The following FCGR3B variants were observed in gnomAD, a reference collection of about 807,000 sequenced individuals.
The protein encoded by FCGR3B is low affinity immunoglobulin gamma Fc region receptor III-B.
In FCGR3B, 20 loss-of-function variants were observed where a neutral mutation model predicts 26.7. The observed-to-expected ratio is 0.75, with a 90% CI of 0.53 to 1.09. The LOEUF is 1.09. FCGR3B is among the 50% of genes least tolerant of loss of function. The pLI is 0.00. For missense variants in FCGR3B, 191 were observed against 279.7 expected (o/e 0.68, Z 2.26); for synonymous variants, 79 against 107.0 (o/e 0.74, Z 1.62).
At chr1:161,631,679 A>G (rs573811612), upstream of FCGR3B, among the ~76,000 whole-genome samples, 2 of 127,012 alleles carry the variant, frequency 1.6e-5, no homozygotes, top group African/African-American at 5.8e-5. Flanking sequence ...TTTCTTTCAA[A>G]ATTCAAAATT....
chr1:161,626,521 A>G, intron 3 of FCGR3B, 119 bp from the exon 4 acceptor site: 3 of 877,466 alleles, frequency 3.4e-6, no homozygotes, highest in Non-Finnish European at 5.1e-6. Flanking sequence ...TTGGGAGTCA[A>G]CCCTGCATAG....
intron 3 of FCGR3B, among the ~76,000 whole-genome samples, chr1:161,627,994 C>T (rs1456813287): frequency 1.3e-5 from 2 of 150,268 alleles, no homozygotes; most frequent in Non-Finnish European, 3.0e-5. Flanking sequence ...AAAATGCAGG[C>T]TGGGCGCGGT....
Position 161,631,086 on chromosome 1 carries a change from C to T in FCGR3B, c.9G>A (p.Gln3=). 1 of 1,607,202 alleles carries T rather than the reference C, an allele frequency of 6.2e-7. No individual in the cohort carries two copies. The highest frequency in any genetic ancestry group is 8.5e-7 in the Non-Finnish European group (1 of 1,177,360). ...GTAGCAGAGCAGTTGGGAGGAGCAGCTGCCACATGATGCCACACTGGAGTG... is the reference window on the plus strand; with the variant it reads ...GTAGCAGAGCAGTTGGGAGGAGCAGTTGCCACATGATGCCACACTGGAGTG... MW[Q]LLLPTALLLL... The change falls in exon 1 of 5, where the codon CAG becomes CAA. Residue 3 remains glutamine, a synonymous_variant. Coordinates refer to ENST00000650385, the MANE Select transcript of FCGR3B (RefSeq NM_001244753.2).
Position 161,624,510 on chromosome 1 carries a change from G to A in FCGR3B, c.*5C>T. On this transcript the variant is annotated 3_prime_UTR_variant, in exon 5 of 5. Transcript: ENST00000650385. ...TTTATGGTCCTTCCAGTCTCTTGTT[G>A]AGCTTCAAATGTTTGTCTTCACAGA... 6.2e-7 allele frequency: 1 copy of A among 1,606,840 alleles called. No individual in the cohort carries two copies. The highest frequency in any genetic ancestry group is 8.5e-7 in the Non-Finnish European group (1 of 1,176,826).
At chr1:161,629,441 T>G (rs1369950899) in intron 3 of FCGR3B, among the ~76,000 whole-genome samples, 1 of 61,886 alleles carries the variant, frequency 1.6e-5, no homozygotes, top group South Asian at 7.0e-4. Context: ...AAAATAAAAT[T>G]AAAAAAAATG....
At chr1:161,630,961 C>T (rs1679718264) in intron 1 of FCGR3B, 94 bp downstream of exon 1, 1 of 1,502,582 alleles carries the variant, frequency 6.7e-7, no homozygotes, top group Admixed American at 2.2e-5. Context: ...GGTCCCATCC[C>T]TTTGTGGGAG....
At chr1:161,630,450 T>C (rs1189672727) in intron 1 of FCGR3B, 62 bp from the exon 2 acceptor site, 21 of 1,520,500 alleles carry the variant, frequency 1.4e-5, no homozygotes, top group South Asian at 5.9e-5. Flanking sequence ...GATTAGAACA[T>C]AGAGTGAGTT....
At chr1:161,625,621 G>A (rs1679415706) in intron 4 of FCGR3B, among the ~76,000 whole-genome samples, 1 of 142,602 alleles carries the variant, frequency 7.0e-6, no homozygotes, top group African/African-American at 2.7e-5. Flanking sequence ...ACTGAAAGGT[G>A]CCCAATAAAT....
rs1043253536 is a variant in FCGR3B, at chr1:161,624,068, A to G, written c.*447T>C. The G allele has an allele frequency of 5.1e-4, 71 of 138,326 alleles. 1 individual carries two copies. Among genetic ancestry groups the G allele is most frequent in the Non-Finnish European group, 1.2e-4 (8 of 66,280 alleles). 8.6% of individuals were successfully genotyped at this position (138,326 alleles called of 1,614,324 possible). A position where few individuals can be genotyped will look rare whatever the true frequency, so the allele number is the denominator to read the frequency against. ...ATTAATTCTACTTATCCATTTGTTT[A>G]GGAATAATTATTTTCTTTTTTTCCC... On this transcript the variant is annotated 3_prime_UTR_variant, in exon 5 of 5. Transcript: ENST00000650385.
chr1:161,624,311 G>A lies in FCGR3B; in HGVS notation c.*204C>T, dbSNP rs1679350237. On this transcript the variant is annotated 3_prime_UTR_variant, in exon 5 of 5. Transcript: ENST00000650385. ...TTCCACTGGAGACCAAGGAAAAATC[G>A]AGAGTTGGATAAAGGATCTGGCTCT... The A allele has an allele frequency of 6.4e-6, 4 of 626,442 alleles. No homozygotes were observed. The highest frequency in any genetic ancestry group is 2.9e-5 in the East Asian group (1 of 34,986). 38.8% of individuals were successfully genotyped at this position (626,442 alleles called of 1,614,324 possible).
Position 161,624,589 on chromosome 1 carries a change from A to G in FCGR3B, c.628T>C (p.Ser210Pro). 1 of 1,606,486 alleles carries G rather than the reference A, an allele frequency of 6.2e-7. No individual in the cohort carries two copies. Among genetic ancestry groups the G allele is most frequent in the Non-Finnish European group, 8.5e-7 (1 of 1,176,434 alleles). ...AGGAGTACCATCACCAAGCAGAAAGAGACTTGGTACCCAGGTGGAGAGAAT... is the reference window on the plus strand; with the variant it reads ...AGGAGTACCATCACCAAGCAGAAAGGGACTTGGTACCCAGGTGGAGAGAAT... ...SSFSPPGYQV[S>P]FCLVMVLLFA... Residue 210 changes from serine (S) to proline (P), a missense_variant, in exon 5 of 5, where the codon TCT becomes CCT. This residue lies in a region of FCGR3B where 103 missense variants were observed against 114.5 expected (regional missense o/e 0.90). Coordinates refer to ENST00000650385, the MANE Select transcript of FCGR3B (RefSeq NM_001244753.2).
rs530199352 is a variant in FCGR3B at position 161,627,393 on chromosome 1, G to A, written c.320-991C>T. On this transcript the variant is annotated intron_variant, in intron 3 of 4. Transcript: ENST00000650385. ...TATATTTTTGAAATTGACCCGAAACGTAATAAGAGCAAAACTAAATTTACT... is the reference window on the plus strand; with the variant it reads ...TATATTTTTGAAATTGACCCGAAACATAATAAGAGCAAAACTAAATTTACT... 6.7e-5 allele frequency among the ~76,000 whole-genome samples: 10 copies of A among 150,192 alleles called. 1 individual carries two copies. The highest frequency in any genetic ancestry group is 1.5e-4 in the African/African-American group (6 of 40,444).
At chr1:161,624,958 C>T (rs1241497085) in intron 4 of FCGR3B, among the ~76,000 whole-genome samples, 3 of 138,756 alleles carry the variant, frequency 2.2e-5, no homozygotes, top group Non-Finnish European at 4.8e-5. Flanking sequence ...ATGCTATGGT[C>T]TAGAAACTGG....
rs186398348 is a variant in FCGR3B at position 161,628,549 on chromosome 1, T to A, written c.319+1229A>T. Among the ~76,000 whole-genome samples, 32 of 149,082 alleles carry A rather than the reference T, an allele frequency of 2.1e-4. 2 individuals carry two copies. The highest frequency in any genetic ancestry group is 7.5e-4 in the African/African-American group (30 of 39,924). On this transcript the variant is annotated intron_variant, in intron 3 of 4. Transcript: ENST00000650385. The stretch of plus-strand genomic sequence containing the variant: ...CATTTTATTTGGTTGTAGGTGGACA[T>A]CTCTTACCTAGCTAGAAATGGACAT...
At chr1:161,631,512 T>A (rs576147211), upstream of FCGR3B, 105 of 468,426 alleles carry the variant, frequency 2.2e-4, 3 homozygotes, top group Non-Finnish European at 3.5e-4. Context: ...GAGCATTCTC[T>A]GAGGGCTTCC....
At position 161,628,825 on chromosome 1, in the gene FCGR3B, C is replaced by T. The variant is rs895337513; in HGVS notation, c.319+953G>A. 2.1e-4 allele frequency among the ~76,000 whole-genome samples: 30 copies of T among 145,090 alleles called. 3 individuals are homozygous for T. The highest frequency in any genetic ancestry group is 7.3e-4 in the African/African-American group (28 of 38,270). Reference sequence around the variant, plus strand: ...AGGCTATGTGGTAAGATTGTAGGGACACCAGGAAAGACCCCTGCCTTCAAA... The same window carrying T: ...AGGCTATGTGGTAAGATTGTAGGGATACCAGGAAAGACCCCTGCCTTCAAA... On this transcript the variant is annotated intron_variant, in intron 3 of 4. Transcript: ENST00000650385.
chr1:161,627,461 A>G (rs1679522688), intron 3 of FCGR3B, among the ~76,000 whole-genome samples: 1 of 150,468 alleles, frequency 6.6e-6, no homozygotes, highest in African/African-American at 2.5e-5. Context: ...TTGAATTACT[A>G]TAATTTTAAA....
Position 161,624,493 on chromosome 1 carries a change from C to G in FCGR3B, c.*22G>C. 1 of 1,604,618 alleles carries G rather than the reference C, an allele frequency of 6.2e-7. No homozygotes were observed. The highest frequency in any genetic ancestry group is 8.5e-7 in the Non-Finnish European group (1 of 1,175,626). On this transcript the variant is annotated 3_prime_UTR_variant, in exon 5 of 5. Coordinates refer to ENST00000650385, the MANE Select transcript of FCGR3B (RefSeq NM_001244753.2). ...TCCTTTCTCCATTTAAGTTTATGGTCCTTCCAGTCTCTTGTTGAGCTTCAA... is the reference window on the plus strand; with the variant it reads ...TCCTTTCTCCATTTAAGTTTATGGTGCTTCCAGTCTCTTGTTGAGCTTCAA...
chr1:161,629,467 A>G (rs1679630332), intron 3 of FCGR3B, among the ~76,000 whole-genome samples: 1 of 54,048 alleles, frequency 1.9e-5, no homozygotes, highest in Non-Finnish European at 3.5e-5. Context: ...AAATAAATAA[A>G]TAACTATTAT....
Sources: gnomAD v4.1 joint callset for allele counts (sites outside exome capture counted in the v4.1 genomes callset) on GRCh38, gnomAD v4.1.1 for gene constraint, gnomAD v4.1.1 regional missense constraint, MANE v1.5 for transcripts, NCBI Gene and HGNC (gene_info 2026-07-23, HGNC 2026-07-21) for gene names.